OSBP2: variants seen among roughly 807,000 people sequenced by gnomAD.
The protein encoded by OSBP2 is oxysterol-binding protein 2.
Under a neutral mutation model 96.0 loss-of-function variants are expected in OSBP2, and 66 were observed. That is an observed-to-expected ratio of 0.69 (90% CI 0.56 to 0.84). The LOEUF (loss-of-function observed/expected upper bound fraction) is 0.84. Among genes scored for constraint, OSBP2 ranks in the 40% least tolerant of loss-of-function variants. The pLI, the probability that OSBP2 is intolerant of heterozygous loss-of-function variation, is 0.00. For missense variants in OSBP2, 1,038 were observed against 1,222.7 expected (o/e 0.85, Z 2.25); for synonymous variants, 525 against 520.9 (o/e 1.01, Z -0.11).
chr22:30,751,356 T>A (rs2090071420), intron 2 of OSBP2, among the ~76,000 whole-genome samples: 1 of 151,374 alleles, frequency 6.6e-6, no homozygotes, highest in African/African-American at 2.4e-5. Flanking sequence ...TATATATATA[T>A]TTTTTTCTTT....
At chr22:30,712,951 A>G (rs1287891226) in intron 1 of OSBP2, among the ~76,000 whole-genome samples, 1 of 151,998 alleles carries the variant, frequency 6.6e-6, no homozygotes, top group East Asian at 1.9e-4. Context: ...TCTGTCACCT[A>G]GGCTGGAGTG....
At chr22:30,786,600 A>G (rs1335268276) in intron 2 of OSBP2, among the ~76,000 whole-genome samples, 1 of 151,798 alleles carries the variant, frequency 6.6e-6, no homozygotes, top group African/African-American at 2.4e-5. Context: ...CTAAAGGGTG[A>G]GGAGGAATTC....
chr22:30,796,015 G>GAT (rs1269464292), intron 2 of OSBP2, among the ~76,000 whole-genome samples: 5 of 152,136 alleles, frequency 3.3e-5, no homozygotes, highest in African/African-American at 7.2e-5. Flanking sequence ...GAACACCCTA[G>GAT]ATATGCCAAG....
rs1321117123 is a variant in OSBP2 at position 30,695,570 on chromosome 22, G to A, written c.644+17G>A. 1 of 1,593,738 alleles carries A rather than the reference G, an allele frequency of 6.3e-7. No individual in the cohort carries two copies. The highest frequency in any genetic ancestry group is 8.5e-7 in the Non-Finnish European group (1 of 1,174,666). On this transcript the variant is annotated intron_variant, in intron 1 of 13. Transcript: ENST00000332585. ...TTACTACAGGTATGGAAGCGCCAGG[G>A]TGGGACATGGGGGTTGGAGGGTGGT...
intron 1 of OSBP2, among the ~76,000 whole-genome samples, chr22:30,734,847 C>G (rs1237815360): frequency 6.6e-6 from 1 of 152,166 alleles, no homozygotes; most frequent in Non-Finnish European, 1.5e-5. Context: ...TTATATATTT[C>G]ACTGTATAAT....
At position 30,741,152 on chromosome 22, in the gene OSBP2, A is replaced by C. The variant is rs371292337; in HGVS notation, c.645-9A>C. 18 of 1,610,516 alleles carry C rather than the reference A, an allele frequency of 1.1e-5. No individual in the cohort carries two copies. The African/African-American group carries it at 2.3e-4, about 20-fold the overall frequency. ...AGCCTCACCCCATTCCTTCTCTTAC[A>C]TCCTACAGAAATCAGGGTGAAATGG... On this transcript the variant is annotated splice_polypyrimidine_tract_variant and intron_variant, in intron 1 of 13. Coordinates refer to ENST00000332585, the MANE Select transcript of OSBP2 (RefSeq NM_030758.4).
Position 30,906,034 on chromosome 22 carries a change from C to T in OSBP2, c.2573C>T (p.Ala858Val). The T allele has an allele frequency of 6.4e-7, 1 of 1,567,596 alleles. No individual in the cohort carries two copies. The highest frequency in any genetic ancestry group is 1.2e-5 in the South Asian group (1 of 86,278). ...CTGTCGCGGCGCCGGCGGCTGGAGG[C>T]CTGCGGGCCGGGCAGCAGCTGCAGC... is the stretch of plus-strand genomic sequence containing the variant. ...QRLSRRRRLE[A>V]CGPGSSCSSE... Residue 858 changes from alanine to valine, a missense_variant, in exon 13 of 14, where the codon GCC becomes GTC. Transcript: ENST00000332585.
chr22:30,745,427 A>T (rs998684331), intron 2 of OSBP2, among the ~76,000 whole-genome samples: 2 of 152,190 alleles, frequency 1.3e-5, no homozygotes, highest in African/African-American at 4.8e-5. Flanking sequence ...TGGGAGGCCA[A>T]GGTGGGCAGA....
chr22:30,843,080 G>A (rs186100051), intron 2 of OSBP2, among the ~76,000 whole-genome samples: 1 of 152,150 alleles, frequency 6.6e-6, no homozygotes. Flanking sequence ...CACCGCACCC[G>A]GCCTGCAATT....
chr22:30,696,995 G>T (rs2089053363), intron 1 of OSBP2, among the ~76,000 whole-genome samples: 1 of 152,042 alleles, frequency 6.6e-6, no homozygotes, highest in Non-Finnish European at 1.5e-5. Context: ...GAGGTTTGAT[G>T]GGGAGACACA....
rs2038720907 is a variant in OSBP2 at position 30,840,219 on chromosome 22, AAAG to A, written c.854-30207_854-30205del. Among the ~76,000 whole-genome samples, 7 of 151,904 alleles carry A rather than the reference AAAG, an allele frequency of 4.6e-5. No homozygotes were observed. In the South Asian group the frequency reaches 1.2e-3, roughly 27 times the overall value. ...AAACTTCAAGTGTAATAAAAAAAAA[AAAG>A]AAAGAAACTTAAAGTGCATCTTGTT... On this transcript the variant is annotated intron_variant, in intron 2 of 13. Transcript: ENST00000332585.
chr22:30,699,437 C>G (rs2089121018), intron 1 of OSBP2, among the ~76,000 whole-genome samples: 1 of 152,140 alleles, frequency 6.6e-6, no homozygotes, highest in Non-Finnish European at 1.5e-5. Context: ...AGTATAATTT[C>G]TGGGTTGTAG....
intron 1 of OSBP2, among the ~76,000 whole-genome samples, chr22:30,724,586 T>C (rs781494775): frequency 9.2e-5 from 14 of 152,238 alleles, no homozygotes; most frequent in Non-Finnish European, 1.9e-4. Flanking sequence ...TTTCATTGTC[T>C]AGATGGACTA....
chr22:30,787,977 T>C (rs979279230), intron 2 of OSBP2, among the ~76,000 whole-genome samples: 2 of 152,162 alleles, frequency 1.3e-5, no homozygotes, highest in African/African-American at 4.8e-5. Flanking sequence ...GCATGGAGAC[T>C]GAGAGCGCTT....
chr22:30,740,967 A>G (rs796341679), intron 1 of OSBP2, among the ~76,000 whole-genome samples, 194 bp from the exon 2 acceptor site: 20 of 152,282 alleles, frequency 1.3e-4, no homozygotes, highest in African/African-American at 4.8e-4. Context: ...CACAGAGAGC[A>G]GTCGTGGCCT....
chr22:30,736,599 C>T (rs186875201), intron 1 of OSBP2, among the ~76,000 whole-genome samples: 1 of 152,316 alleles, frequency 6.6e-6, no homozygotes. Context: ...CTTAGATTTA[C>T]AGAAAAGTTA....
intron 2 of OSBP2, among the ~76,000 whole-genome samples, chr22:30,818,973 A>C (rs1198178776): frequency 1.3e-5 from 2 of 152,166 alleles, no homozygotes; most frequent in African/African-American, 4.8e-5. Flanking sequence ...AAGGTTTCAG[A>C]GTTGGTGCAC....
At chr22:30,800,983 G>A (rs892254300) in intron 2 of OSBP2, among the ~76,000 whole-genome samples, 74 of 152,112 alleles carry the variant, frequency 4.9e-4, no homozygotes, top group African/African-American at 1.7e-3. Context: ...TGGAAGGTGG[G>A]GTTATAGACA....
intron 1 of OSBP2, among the ~76,000 whole-genome samples, chr22:30,726,656 A>T (rs185099720): frequency 5.9e-4 from 90 of 151,674 alleles, no homozygotes; most frequent in African/African-American, 2.1e-3. Flanking sequence ...AATAAATAAT[A>T]AATAAATAAA....
Sources: allele counts gnomAD v4.1 joint callset (sites outside exome capture counted in the v4.1 genomes callset), GRCh38; gene constraint gnomAD v4.1.1; transcripts MANE v1.5; gene names NCBI Gene and HGNC (gene_info 2026-07-23, HGNC 2026-07-21).